CCDC14: variants seen among roughly 807,000 people sequenced by gnomAD.
CCDC14 encodes the protein coiled-coil domain-containing protein 14.
A neutral mutation model predicts 81.4 loss-of-function variants in CCDC14; 71 were observed. The ratio of observed to expected loss-of-function variants is 0.87; its 90% confidence interval spans 0.72 to 1.06. The LOEUF (loss-of-function observed/expected upper bound fraction) is 1.06, where lower values mean the gene tolerates loss of function less well. Ranked by LOEUF, CCDC14 falls within the 50% of genes least tolerant of loss-of-function variation. CCDC14 has a pLI of 0.00. For missense variants in CCDC14, 1,046 were observed against 1,047.3 expected (o/e 1.00, Z 0.02); for synonymous variants, 332 against 364.8 (o/e 0.91, Z 1.03).
chr3:123,942,653 T>C (rs1392950394), intron 9 of CCDC14, among the ~76,000 whole-genome samples: 2 of 151,988 alleles, frequency 1.3e-5, no homozygotes, highest in Non-Finnish European at 2.9e-5. Flanking sequence ...ACAATGTCTA[T>C]AACTTATGCA....
In CCDC14 at chr3:123,914,408, A is replaced by G; in HGVS notation, c.*371T>C. 4 of 988,594 alleles carry G rather than the reference A, an allele frequency of 4.0e-6. No homozygotes were observed. The highest frequency in any genetic ancestry group is 4.8e-6 in the Non-Finnish European group (4 of 832,168). The allele number at this position is 988,594 out of a possible 1,614,324, so 61.2% of individuals were successfully genotyped here. A position where few individuals can be genotyped will look rare whatever the true frequency, so the allele number is the denominator to read the frequency against. ...AAAAAAACCCTCTAGTTTCAACAGA[A>G]AAACTTACATCCAGAGATTCTTTTC... On this transcript the variant is annotated 3_prime_UTR_variant, in exon 13 of 13. Coordinates refer to ENST00000409697, the MANE Select transcript of CCDC14 (RefSeq NM_001366335.1).
At chr3:123,955,783 T>C (rs2037287602) in intron 5 of CCDC14, 60 bp downstream of exon 5, 1 of 1,369,150 alleles carries the variant, frequency 7.3e-7, no homozygotes, top group African/African-American at 1.5e-5. Flanking sequence ...ATCCTGATAA[T>C]TGATCAAAAT....
downstream of CCDC14, among the ~76,000 whole-genome samples, chr3:123,896,840 T>C (rs1472656722): frequency 6.6e-6 from 1 of 152,196 alleles, no homozygotes; most frequent in Non-Finnish European, 1.5e-5. Flanking sequence ...TATTATCTTA[T>C]GTATTAACCA....
chr3:123,940,095 CACTGA>C (rs1391910163), intron 9 of CCDC14, among the ~76,000 whole-genome samples: 2 of 151,448 alleles, frequency 1.3e-5, no homozygotes, highest in African/African-American at 4.8e-5. Flanking sequence ...TAGTAGGAGA[CACTGA>C]ACTATGAATT....
In CCDC14 at chr3:123,939,445, C is replaced by CTT. The variant is rs34550609; in HGVS notation, c.1343+5402_1343+5403dup. 4.9e-3 allele frequency among the ~76,000 whole-genome samples: 630 copies of CTT among 129,512 alleles called. 4 individuals are homozygous for CTT. The highest frequency in any genetic ancestry group is 0.016 in the Middle Eastern group (4 of 256). The allele number at this position is 129,512 out of a possible 152,430, so 85.0% of individuals were successfully genotyped here. A position where few individuals can be genotyped will look rare whatever the true frequency, so the allele number is the denominator to read the frequency against. On this transcript the variant is annotated intron_variant, in intron 9 of 12. Transcript: ENST00000409697. The stretch of plus-strand genomic sequence containing the variant: ...GTCCTATTCATCTGCTGACACAGAT[C>CTT]TTTTTTTTTTTTTTTTTTAGAGATA...
Position 123,956,363 on chromosome 3 carries a change from C to T in CCDC14, c.151G>A (p.Glu51Lys), listed in dbSNP as rs1159926371. 5.2e-6 allele frequency: 8 copies of T among 1,543,624 alleles called. No individual in the cohort carries two copies. In the East Asian group the frequency reaches 1.7e-4, roughly 33 times the overall value. The stretch of plus-strand genomic sequence containing the variant: ...TATCTATTCAATCTTACCTGACTTT[C>T]TGAATCAGAATGGATGGAATAGCCA... Reference protein sequence around the residue: ...DSGYSIHSDSESQAETVHGLD... With the variant: ...DSGYSIHSDSKSQAETVHGLD... Residue 51 changes from glutamate (E) to lysine (K), a missense_variant, in exon 3 of 13, where the codon GAA (glutamate) becomes AAA (lysine). Coordinates refer to ENST00000409697, the MANE Select transcript of CCDC14 (RefSeq NM_001366335.1).
chr3:123,933,238 A>C (rs2035851505), intron 10 of CCDC14, among the ~76,000 whole-genome samples: 1 of 152,262 alleles, frequency 6.6e-6, no homozygotes, highest in African/African-American at 2.4e-5. Flanking sequence ...ATTATGGTAG[A>C]CCTGGATAAG....
At chr3:123,956,202 T>C in intron 3 of CCDC14, 87 bp from the exon 4 acceptor site, 1 of 1,354,288 alleles carries the variant, frequency 7.4e-7, no homozygotes, top group Non-Finnish European at 1.0e-6. Context: ...TAAAATTTGT[T>C]TATTTACAAA....
downstream of CCDC14, chr3:123,897,457 A>C: frequency 5.0e-6 from 1 of 199,682 alleles, no homozygotes; most frequent in South Asian, 8.6e-5. Context: ...CCCAGATTCC[A>C]AGGAGGTGAC....
chr3:123,905,026 A>C (rs2034277025), intron 5 of CCDC14, among the ~76,000 whole-genome samples: 1 of 152,196 alleles, frequency 6.6e-6, no homozygotes, highest in Non-Finnish European at 1.5e-5. Context: ...AGAGAGAATA[A>C]ACAGACCCAC....
At chr3:123,944,649 G>A (rs901680069) in intron 9 of CCDC14, among the ~76,000 whole-genome samples, 200 bp downstream of exon 9, 2 of 152,228 alleles carry the variant, frequency 1.3e-5, no homozygotes, top group South Asian at 4.1e-4. Flanking sequence ...TAAAATAAGT[G>A]GGAGAAAATA....
rs998335112 is a variant in CCDC14, at chr3:123,913,537, G to C, written c.*1242C>G. 5.1e-6 allele frequency: 5 copies of C among 980,474 alleles called. No homozygotes were observed. Among genetic ancestry groups the C allele is most frequent in the Admixed American group, 6.2e-5 (1 of 16,216 alleles). 60.7% of individuals were successfully genotyped at this position (980,474 alleles called of 1,614,324 possible). On this transcript the variant is annotated 3_prime_UTR_variant, in exon 13 of 13. Transcript: ENST00000409697. ...TTCATGAATACTAAATAAAATTAAA[G>C]ATGCTAATGGACTCTTGTGTGAAAT...
intron 9 of CCDC14, among the ~76,000 whole-genome samples, chr3:123,935,740 C>T (rs1030665577): frequency 5.9e-5 from 9 of 152,160 alleles, no homozygotes; most frequent in South Asian, 4.1e-4. Context: ...AAGCTTTCCT[C>T]GATAATCCTT....
At chr3:123,899,853 G>A (rs1209764157) in intron 5 of CCDC14, among the ~76,000 whole-genome samples, 1 of 152,120 alleles carries the variant, frequency 6.6e-6, no homozygotes, top group Non-Finnish European at 1.5e-5. Context: ...TCCAGCCATG[G>A]GAGCACCTCA....
In CCDC14 at chr3:123,904,802, T is replaced by C. The variant is rs548264234; in HGVS notation, c.668-7189A>G. 6.9e-4 allele frequency among the ~76,000 whole-genome samples: 105 copies of C among 152,248 alleles called. 1 individual carries two copies. Among genetic ancestry groups the C allele is most frequent in the African/African-American group, 2.4e-3 (98 of 41,542 alleles). On this transcript the variant is annotated intron_variant, in intron 5 of 5. Transcript: ENST00000479903. ...CAATTCTCCAAGTTAACCTATAAAT[T>C]CTACGCAATTCTAATAAAATCTCAA...
downstream of CCDC14, among the ~76,000 whole-genome samples, chr3:123,909,540 A>C (rs554659150): frequency 6.6e-6 from 1 of 152,252 alleles, no homozygotes; most frequent in African/African-American, 2.4e-5. Flanking sequence ...GCATTATGTC[A>C]CATGCTAAAC....
At position 123,959,247 on chromosome 3, in the gene CCDC14, A is replaced by T. The variant is rs550025670; in HGVS notation, c.30+1897T>A. 2.2e-4 allele frequency among the ~76,000 whole-genome samples: 34 copies of T among 152,330 alleles called. 1 individual carries two copies. In the South Asian group the frequency reaches 6.2e-3, roughly 28 times the overall value. On this transcript the variant is annotated intron_variant, in intron 1 of 12. Transcript: ENST00000409697. ...TTCCATAGCAGCTATACCATTTTACATTCCCACTGACAGTGTACAAGGGTT... is the reference window on the plus strand; with the variant it reads ...TTCCATAGCAGCTATACCATTTTACTTTCCCACTGACAGTGTACAAGGGTT...
intron 8 of CCDC14, 33 bp downstream of exon 8, chr3:123,946,770 A>G (rs2036645140): frequency 1.3e-6 from 2 of 1,569,846 alleles, no homozygotes; most frequent in African/African-American, 2.7e-5. Context: ...TTAGTATAAC[A>G]CCATACTACA....
At chr3:123,885,183 A>G in the CCDC14 span, among the ~76,000 whole-genome samples, 2 of 152,126 alleles carry the variant, frequency 1.3e-5, no homozygotes, top group Admixed American at 1.3e-4. Flanking sequence ...GAGTGTTTTT[A>G]AAAATTTTTT....
Sources: allele counts gnomAD v4.1 joint callset (sites outside exome capture counted in the v4.1 genomes callset), GRCh38; gene constraint gnomAD v4.1.1; transcripts MANE v1.5; gene names NCBI Gene and HGNC (gene_info 2026-07-23, HGNC 2026-07-21).